Variants in FRMD6 observed in about 807,000 individuals in gnomAD.
The protein encoded by FRMD6 is FERM domain containing 6, also known as FERM domain-containing protein 6.
FRMD6 carries 37 observed loss-of-function variants against 73.2 expected under a neutral mutation model. The ratio of observed to expected loss-of-function variants is 0.51; its 90% CI spans 0.39 to 0.66. The LOEUF (loss-of-function observed/expected upper bound fraction) is 0.66, where lower values mean the gene tolerates loss of function less well. Ranked by LOEUF, FRMD6 falls within the 30% of genes least tolerant of loss-of-function variation. The pLI, the probability that FRMD6 is intolerant of heterozygous loss-of-function variation, is 0.00. For synonymous variants in FRMD6, 273 were observed against 282.2 expected (o/e 0.97, Z 0.33); for missense variants, 714 against 780.5 (o/e 0.91, Z 1.02).
chr14:51,703,036 A>G (rs898163213), intron 5 of FRMD6, among the ~76,000 whole-genome samples: 26 of 152,002 alleles, frequency 1.7e-4, no homozygotes, highest in Admixed American at 3.3e-4. Flanking sequence ...ATGGGTGTTT[A>G]TATAATCGGT....
At chr14:51,509,705 C>T (rs1186376530) in intron 1 of FRMD6, among the ~76,000 whole-genome samples, 1 of 151,998 alleles carries the variant, frequency 6.6e-6, no homozygotes, top group Non-Finnish European at 1.5e-5. Flanking sequence ...CGGCTCACTA[C>T]AACCTCCGCC....
chr14:51,678,838 G>T (rs932845853), intron 1 of FRMD6, among the ~76,000 whole-genome samples: 1 of 150,040 alleles, frequency 6.7e-6, no homozygotes, highest in East Asian at 2.0e-4. Flanking sequence ...TTCTTTTGGA[G>T]TGGGTGGGTG....
chr14:51,680,745 G>A (rs1014607360), intron 1 of FRMD6, among the ~76,000 whole-genome samples: 2 of 141,922 alleles, frequency 1.4e-5, no homozygotes, highest in African/African-American at 2.7e-5. Flanking sequence ...CTCAATAAAC[G>A]TTTATTATTA....
chr14:51,494,232 G>A (rs1438558392), intron 1 of FRMD6, among the ~76,000 whole-genome samples: 1 of 152,130 alleles, frequency 6.6e-6, no homozygotes, highest in Non-Finnish European at 1.5e-5. Context: ...AGAGTCCAAG[G>A]TCTCATCTAA....
At chr14:51,527,165 ACT>A (rs1236027126) in intron 1 of FRMD6, among the ~76,000 whole-genome samples, 6 of 152,190 alleles carry the variant, frequency 3.9e-5, no homozygotes, top group Non-Finnish European at 7.3e-5. Context: ...CTTCGGAAAG[ACT>A]CTATATGATT....
chr14:51,445,479 T>C, the FRMD6 span, among the ~76,000 whole-genome samples: 1 of 34,664 alleles, frequency 2.9e-5, no homozygotes, highest in African/African-American at 1.5e-4. Context: ...GTGCAATTTT[T>C]TTTTTTTTTA....
intron 2 of FRMD6, among the ~76,000 whole-genome samples, chr14:51,690,546 C>T (rs1028495135): frequency 1.1e-4 from 17 of 152,206 alleles, no homozygotes; most frequent in East Asian, 7.7e-4. Context: ...CCACCACGCC[C>T]GGCTAATTTT....
Position 51,727,767 on chromosome 14 carries a change from C to A in FRMD6, c.1607C>A (p.Thr536Asn), listed in dbSNP as rs1898059441. The change falls in exon 14 of 14, where the codon ACC (threonine) becomes AAC (asparagine). Residue 536 changes from threonine (T) to asparagine (N), a missense_variant. Coordinates refer to ENST00000344768, the MANE Select transcript of FRMD6 (RefSeq NM_001267046.2). Reference sequence around the variant, plus strand: ...CAGACTATATGTCGGAAACCAAAGACCTCCACTGATCGACACAGCTTGAGC... The same window carrying A: ...CAGACTATATGTCGGAAACCAAAGAACTCCACTGATCGACACAGCTTGAGC... ...LPQTICRKPKTSTDRHSLSLD... is the reference protein window; with the variant it reads ...LPQTICRKPKNSTDRHSLSLD... 1 of 1,605,604 alleles carries A rather than the reference C, an allele frequency of 6.2e-7. No individual in the cohort carries two copies. The highest frequency in any genetic ancestry group is 8.5e-7 in the Non-Finnish European group (1 of 1,172,792).
intron 7 of FRMD6, among the ~76,000 whole-genome samples, chr14:51,708,929 G>C (rs1017246800): frequency 1.5e-4 from 23 of 152,042 alleles, no homozygotes; most frequent in African/African-American, 4.1e-4. Flanking sequence ...TTTGTGTCCC[G>C]TGTATCTCTA....
the FRMD6 span, among the ~76,000 whole-genome samples, chr14:51,404,771 T>A: frequency 6.6e-6 from 1 of 152,220 alleles, no homozygotes; most frequent in Admixed American, 6.5e-5. Flanking sequence ...TATTAATAAT[T>A]CTTTTTAAAA....
the FRMD6 span, among the ~76,000 whole-genome samples, chr14:51,442,210 G>A: frequency 6.6e-6 from 1 of 152,164 alleles, no homozygotes; most frequent in Admixed American, 6.5e-5. Flanking sequence ...CAGTGGTTTT[G>A]AGCATTGGGG....
At position 51,571,209 on chromosome 14, in the gene FRMD6, A is replaced by T. The variant is rs140053108; in HGVS notation, c.-147+799A>T. Among the ~76,000 whole-genome samples the T allele has an allele frequency of 1.7e-3, 264 of 152,316 alleles. 1 individual carries two copies. Among genetic ancestry groups the T allele is most frequent in the African/African-American group, 6.1e-3 (255 of 41,574 alleles). The stretch of plus-strand genomic sequence containing the variant: ...AACAACATCGTGAGACTTCATCTCT[A>T]TAAAAAACAGAAAATAAAAATTAGC... On this transcript the variant is annotated intron_variant, in intron 2 of 14. Transcript: ENST00000356218.
intron 2 of FRMD6, among the ~76,000 whole-genome samples, chr14:51,639,055 G>A (rs1891703731): frequency 6.8e-6 from 1 of 147,122 alleles, no homozygotes; most frequent in Non-Finnish European, 1.5e-5. Flanking sequence ...TCAAGTGTCA[G>A]GATTTTTTTT....
At chr14:51,521,696 AC>A (rs1255534938) in intron 1 of FRMD6, among the ~76,000 whole-genome samples, 1 of 152,092 alleles carries the variant, frequency 6.6e-6, no homozygotes, top group Non-Finnish European at 1.5e-5. Flanking sequence ...CTTAACCCCA[AC>A]CAAAAGAAGA....
At chr14:51,682,062 C>T (rs1014113286) in intron 1 of FRMD6, among the ~76,000 whole-genome samples, 2 of 152,144 alleles carry the variant, frequency 1.3e-5, no homozygotes, top group African/African-American at 2.4e-5. Flanking sequence ...TCCTTTGTTG[C>T]TGAAAATTAC....
chr14:51,583,645 A>C (rs1226925743), intron 2 of FRMD6, among the ~76,000 whole-genome samples: 1 of 152,210 alleles, frequency 6.6e-6, no homozygotes, highest in Non-Finnish European at 1.5e-5. Flanking sequence ...CAGAAAGGTT[A>C]ACTAACCAGC....
At chr14:51,667,510 A>T (rs1176119898) in intron 1 of FRMD6, among the ~76,000 whole-genome samples, 1 of 152,206 alleles carries the variant, frequency 6.6e-6, no homozygotes, top group Non-Finnish European at 1.5e-5. Flanking sequence ...TCCAAAGAAA[A>T]TAGAATTCTA....
At chr14:51,662,677 C>T (rs755356956) in intron 1 of FRMD6, among the ~76,000 whole-genome samples, 2 of 152,128 alleles carry the variant, frequency 1.3e-5, no homozygotes, top group Non-Finnish European at 2.9e-5. Flanking sequence ...AAATGTAAAG[C>T]CCCAAACTAA....
At chr14:51,409,340 CTTTTTTTTTTT>C in the FRMD6 span, among the ~76,000 whole-genome samples, 1 of 84,142 alleles carries the variant, frequency 1.2e-5, no homozygotes. Flanking sequence ...AAGTTTTTTG[CTTTTTTTTTTT>C]TTTTTTTTTT....
Sources: allele counts gnomAD v4.1 joint callset (sites outside exome capture counted in the v4.1 genomes callset), GRCh38; gene constraint gnomAD v4.1.1; transcripts MANE v1.5; gene names NCBI Gene and HGNC (gene_info 2026-07-23, HGNC 2026-07-21).